The following SAG variants were observed in gnomAD, a reference collection of about 807,000 sequenced individuals.
SAG encodes the protein S-arrestin.
SAG carries 45 observed loss-of-function variants against 55.0 expected under a neutral mutation model. The ratio of observed to expected loss-of-function variants is 0.82; its 90% CI spans 0.64 to 1.05. The LOEUF (loss-of-function observed/expected upper bound fraction) is 1.05, where lower values mean the gene tolerates loss of function less well. Among genes scored for constraint, SAG ranks in the 50% least tolerant of loss-of-function variants. SAG has a pLI of 0.00. For missense variants in SAG, 455 were observed against 512.1 expected, an observed-to-expected ratio of 0.89 and a Z score of 1.08; for synonymous variants, 189 against 197.4, an observed-to-expected ratio of 0.96 and a Z score of 0.36.
At chr2:233,308,462 A>G (rs528699330) in intron 1 of SAG, among the ~76,000 whole-genome samples, 6 of 151,762 alleles carry the variant, frequency 4.0e-5, no homozygotes, top group South Asian at 2.1e-4. Context: ...ACGAGCTCCT[A>G]TATCTTAAAA....
chr2:233,343,326 A>T, intron 14 of SAG: 1 of 158,848 alleles, frequency 6.3e-6, no homozygotes, highest in East Asian at 1.9e-4. Flanking sequence ...CAGGTGATCC[A>T]CCCGCCTCAG....
At chr2:233,334,842 C>T in intron 10 of SAG, 120 bp from the exon 11 acceptor site, 1 of 1,223,350 alleles carries the variant, frequency 8.2e-7, no homozygotes, top group South Asian at 1.4e-5. Context: ...CTTGAACCCA[C>T]CTTCCCAGGA....
At chr2:233,320,957 T>G in intron 5 of SAG, 134 bp downstream of exon 5, 1 of 719,018 alleles carries the variant, frequency 1.4e-6, no homozygotes, top group Non-Finnish European at 2.2e-6. Flanking sequence ...AAAGAAATTC[T>G]AGATTGCATG....
rs1005593969 is a variant in SAG, at chr2:233,340,970, C to T, written c.1046+492C>T. 6.6e-6 allele frequency among the ~76,000 whole-genome samples: 1 copy of T among 151,826 alleles called. No homozygotes were observed. On this transcript the variant is annotated intron_variant, in intron 13 of 15. Transcript: ENST00000409110. This position sits in a 1 kb window ranked among gnomAD's most constrained non-coding sequence, Gnocchi z 4.2. The stretch of plus-strand genomic sequence containing the variant: ...CTGAGATTACAAGCGTGTGCCACAA[C>T]ACCTGGCTAATTTTTGTATTTTTAG...
chr2:233,323,693 T>C (rs1700458736), intron 6 of SAG, among the ~76,000 whole-genome samples: 1 of 152,050 alleles, frequency 6.6e-6, no homozygotes, highest in Admixed American at 6.5e-5. Context: ...CTTTTTTTCA[T>C]GGAAAATTTC....
At chr2:233,313,907 G>T (rs1700146300) in intron 2 of SAG, among the ~76,000 whole-genome samples, 1 of 151,482 alleles carries the variant, frequency 6.6e-6, no homozygotes, top group African/African-American at 2.4e-5. Flanking sequence ...CTAGGGTGTA[G>T]GCAGGTGTGA....
chr2:233,315,489 C>A (rs1446348344), intron 2 of SAG, among the ~76,000 whole-genome samples: 1 of 151,372 alleles, frequency 6.6e-6, no homozygotes, highest in South Asian at 2.1e-4. Context: ...GACAGGGTTT[C>A]GTCATGTTGG....
At chr2:233,320,887 G>T in intron 5 of SAG, 64 bp downstream of exon 5, 1 of 1,375,562 alleles carries the variant, frequency 7.3e-7, no homozygotes, top group African/African-American at 1.5e-5. Context: ...GTGGATGGGG[G>T]CAAAGGAAAG....
At chr2:233,317,618 A>G (rs1700246208) in intron 3 of SAG, among the ~76,000 whole-genome samples, 1 of 152,260 alleles carries the variant, frequency 6.6e-6, no homozygotes, top group African/African-American at 2.4e-5. Flanking sequence ...TATTTTTAAA[A>G]AGTCATGGAG....
chr2:233,346,433 T>C (rs76175654), intron 15 of SAG, 21 bp downstream of exon 15: 2 of 1,613,442 alleles, frequency 1.2e-6, no homozygotes, highest in Non-Finnish European at 1.7e-6. Flanking sequence ...CTCTTGAATG[T>C]GGCCCTGATT....
Position 233,340,436 on chromosome 2 carries a change from G to T in SAG, c.1023-19G>T. The stretch of plus-strand genomic sequence containing the variant: ...ACCACTGTGACAGTTAACGACAGGC[G>T]TTTGTTTGTGTTTTCTAGCTTTCTG... On this transcript the variant is annotated intron_variant, in intron 12 of 15. Transcript: ENST00000409110. This position sits in a 1 kb window ranked among gnomAD's most constrained non-coding sequence, Gnocchi z 4.2. The T allele has an allele frequency of 6.2e-7, 1 of 1,608,950 alleles. No homozygotes were observed. Among genetic ancestry groups the T allele is most frequent in the Non-Finnish European group, 8.5e-7 (1 of 1,176,928 alleles).
chr2:233,309,904 C>T (rs904586381), intron 2 of SAG, among the ~76,000 whole-genome samples: 3 of 152,226 alleles, frequency 2.0e-5, no homozygotes, highest in African/African-American at 7.2e-5. Context: ...ACAGTTTTGT[C>T]AGTACCTGTG....
Position 233,338,740 on chromosome 2 carries a change from C to T in SAG, c.1009C>T (p.Leu337Phe). 6.2e-7 allele frequency: 1 copy of T among 1,613,932 alleles called. No homozygotes were observed. Among genetic ancestry groups the T allele is most frequent in the Non-Finnish European group, 8.5e-7 (1 of 1,179,816 alleles). ...GGTGTCTTACCAGATCAAGGTGAAGCTCACAGTGTCAGGGTAAGTGTCCCG... is the reference window on the plus strand; with the variant it reads ...GGTGTCTTACCAGATCAAGGTGAAGTTCACAGTGTCAGGGTAAGTGTCCCG... ...ILVSYQIKVK[L>F]TVSGFLGELT... Residue 337 changes from leucine to phenylalanine, a missense_variant, in exon 12 of 16, where the codon CTC becomes TTC. Coordinates refer to ENST00000409110, the MANE Select transcript of SAG (RefSeq NM_000541.5).
chr2:233,346,349 A>G, intron 14 of SAG, 54 bp from the exon 15 acceptor site: 1 of 1,594,896 alleles, frequency 6.3e-7, no homozygotes, highest in Non-Finnish European at 8.6e-7. Flanking sequence ...AATTTAGACT[A>G]ACAAATGTCT....
intron 4 of SAG, 37 bp from the exon 5 acceptor site, chr2:233,320,593 A>C: frequency 6.6e-7 from 1 of 1,517,576 alleles, no homozygotes; most frequent in Non-Finnish European, 8.8e-7. Flanking sequence ...TGCCAGGCCG[A>C]GGGCCAAGTC....
intron 14 of SAG, chr2:233,343,623 T>C (rs1238890139): frequency 1.7e-6 from 2 of 1,202,852 alleles, no homozygotes; most frequent in Non-Finnish European, 1.1e-6. Context: ...ATTCTCTTTC[T>C]AAAAAGGTAA....
intron 10 of SAG, 78 bp from the exon 11 acceptor site, chr2:233,334,884 G>GC: frequency 6.4e-7 from 1 of 1,550,964 alleles, no homozygotes; most frequent in Non-Finnish European, 8.8e-7. Flanking sequence ...CCTGGAAAAT[G>GC]CCTAATGTCA....
At chr2:233,317,208 G>A (rs1336620123) in intron 3 of SAG, among the ~76,000 whole-genome samples, 1 of 152,204 alleles carries the variant, frequency 6.6e-6, no homozygotes, top group Non-Finnish European at 1.5e-5. Flanking sequence ...TGACCCAACA[G>A]TTGCATCCCG....
intron 4 of SAG, 138 bp from the exon 5 acceptor site, chr2:233,320,492 G>T: frequency 1.7e-6 from 1 of 605,452 alleles, no homozygotes; most frequent in East Asian, 3.2e-5. Context: ...TAGCTGGGTG[G>T]CAGGGTTCTC....
Sources: gnomAD v4.1 joint callset for allele counts (sites outside exome capture counted in the v4.1 genomes callset) on GRCh38, gnomAD v4.1.1 for gene constraint, Gnocchi (gnomAD v3.1) non-coding constraint, MANE v1.5 for transcripts, NCBI Gene and HGNC (gene_info 2026-07-23, HGNC 2026-07-21) for gene names.